CEMIP: variants seen among roughly 807,000 people sequenced by gnomAD.
CEMIP encodes the protein cell migration-inducing and hyaluronan-binding protein.
Under a neutral mutation model 156.9 loss-of-function variants are expected in CEMIP, and 105 were observed. The ratio of observed to expected loss-of-function variants is 0.67; its 90% CI spans 0.57 to 0.79. The LOEUF (loss-of-function observed/expected upper bound fraction) is 0.79. CEMIP is among the 30% of genes least tolerant of loss of function. CEMIP has a pLI of 0.00. For missense variants in CEMIP, 1,457 were observed against 1,769.4 expected (o/e 0.82, Z 3.17); for synonymous variants, 676 against 668.4 (o/e 1.01, Z -0.17).
intron 14 of CEMIP, among the ~76,000 whole-genome samples, chr15:80,919,054 T>C (rs1048000938): frequency 1.2e-4 from 18 of 152,172 alleles, no homozygotes; most frequent in African/African-American, 3.9e-4. Flanking sequence ...GGTATCTCAA[T>C]ATCCATGCAA....
At chr15:80,944,022 G>A (rs1479654550) in intron 28 of CEMIP, among the ~76,000 whole-genome samples, 5 of 152,186 alleles carry the variant, frequency 3.3e-5, no homozygotes, top group East Asian at 1.9e-4. Flanking sequence ...GCTCACACCT[G>A]TAATTTCAGC....
At chr15:80,850,711 C>A (rs1897697270) in intron 1 of CEMIP, among the ~76,000 whole-genome samples, 3 of 152,086 alleles carry the variant, frequency 2.0e-5, no homozygotes, top group African/African-American at 7.2e-5. Flanking sequence ...GCAGTGATCC[C>A]CATGGACTCA....
intron 1 of CEMIP, among the ~76,000 whole-genome samples, chr15:80,873,194 T>G (rs1026334368): frequency 6.6e-6 from 1 of 152,204 alleles, no homozygotes; most frequent in Non-Finnish European, 1.5e-5. Flanking sequence ...TGTGCCCAGA[T>G]AAAAACCAGG....
In CEMIP at chr15:80,859,093, C is replaced by T. The variant is rs1236855638; in HGVS notation, c.-175-14445C>T. Among the ~76,000 whole-genome samples the T allele has an allele frequency of 7.9e-5, 12 of 152,072 alleles. No homozygotes were observed. In the East Asian group the frequency reaches 2.3e-3, roughly 29 times the overall value. ...TCCAGCCAATGTCCCTTTTTTTTGA[C>T]TTGGGTCAACTGAACATCCCTGCAC... On this transcript the variant is annotated intron_variant, in intron 1 of 29. Transcript: ENST00000394685.
At position 80,944,046 on chromosome 15, in the gene CEMIP, G is replaced by A. The variant is rs368309316; in HGVS notation, c.3857+944G>A. On this transcript the variant is annotated intron_variant, in intron 28 of 29. Transcript: ENST00000394685. ...TGTAATTTCAGCACTTTGGGAGGCC[G>A]AGGTGGGTGGATCATGAGGTCAGGA... 4.6e-5 allele frequency among the ~76,000 whole-genome samples: 7 copies of A among 152,266 alleles called. No individual in the cohort carries two copies. In the East Asian group the frequency reaches 9.6e-4, roughly 21 times the overall value.
At chr15:80,892,778 C>T (rs976237587) in intron 10 of CEMIP, among the ~76,000 whole-genome samples, 1 of 152,216 alleles carries the variant, frequency 6.6e-6, no homozygotes, top group Non-Finnish European at 1.5e-5. Context: ...CTTAGTGTCT[C>T]GTTTCCTCAC....
At chr15:80,928,392 G>A (rs1006006513) in intron 19 of CEMIP, among the ~76,000 whole-genome samples, 23 of 152,110 alleles carry the variant, frequency 1.5e-4, no homozygotes, top group African/African-American at 5.6e-4. Flanking sequence ...CCTTCTCAGG[G>A]TCAGCATCTG....
In CEMIP at chr15:80,937,938, C is replaced by T; in HGVS notation, c.3366C>T (p.Ser1122=). 1 of 1,614,204 alleles carries T rather than the reference C, an allele frequency of 6.2e-7. No individual in the cohort carries two copies. The highest frequency in any genetic ancestry group is 1.1e-5 in the South Asian group (1 of 91,084). Residue 1122 remains serine, a synonymous_variant, in exon 25 of 30, where the codon AGC becomes AGT. Transcript: ENST00000394685. ...TGCAGATGGACAAAGTGGAGCAGAG[C>T]TACCCTGGCAGGAGCCACTACTACT... ...RTLQMDKVEQ[S]YPGRSHYYWD...
chr15:80,920,439 T>G, intron 15 of CEMIP, 140 bp downstream of exon 15: 1 of 714,884 alleles, frequency 1.4e-6, no homozygotes, highest in Non-Finnish European at 2.3e-6. Flanking sequence ...CTTAACCACC[T>G]ACGGCTCCAG....
chr15:80,903,999 G>A (rs1287487136), intron 12 of CEMIP, among the ~76,000 whole-genome samples: 1 of 152,188 alleles, frequency 6.6e-6, no homozygotes, highest in African/African-American at 2.4e-5. Flanking sequence ...TGCCCTGGAG[G>A]AGGGGGCTCC....
intron 1 of CEMIP, among the ~76,000 whole-genome samples, chr15:80,784,292 A>G (rs112326598): frequency 9.3e-4 from 142 of 152,268 alleles, no homozygotes; most frequent in African/African-American, 3.2e-3. Flanking sequence ...CGGAGAAAGC[A>G]TATCTAGATA....
Position 80,950,712 on chromosome 15 carries a change from T to G in CEMIP, c.*1788T>G, listed in dbSNP as rs1901780724. ...CACCCCAGTCCCTTTCAGCTGCTGC[T>G]TAATGCCCTGCTCTCTCCCTGGCCC... On this transcript the variant is annotated 3_prime_UTR_variant, in exon 30 of 30. Coordinates refer to ENST00000394685, the MANE Select transcript of CEMIP (RefSeq NM_001293298.2). 1 of 152,756 alleles carries G rather than the reference T, an allele frequency of 6.5e-6. No individual in the cohort carries two copies. The highest frequency in any genetic ancestry group is 2.4e-5 in the African/African-American group (1 of 41,460). The allele number at this position is 152,756 out of a possible 1,614,324, so 9.5% of individuals were successfully genotyped here.
At chr15:80,936,155 T>C (rs1596205351) in intron 23 of CEMIP, among the ~76,000 whole-genome samples, 1 of 152,364 alleles carries the variant, frequency 6.6e-6, no homozygotes, top group Non-Finnish European at 1.5e-5. Context: ...CATTTATTCA[T>C]GCAGTGTGTT....
chr15:80,845,967 T>C (rs62035082), intron 1 of CEMIP, among the ~76,000 whole-genome samples: 2 of 152,028 alleles, frequency 1.3e-5, no homozygotes, highest in Non-Finnish European at 2.9e-5. Flanking sequence ...CTTCAGCCTG[T>C]CCCTGTTCTG....
chr15:80,937,990 G>A lies in CEMIP; in HGVS notation c.3407+11G>A, dbSNP rs372006865. 99 of 1,610,452 alleles carry A rather than the reference G, an allele frequency of 6.1e-5. No homozygotes were observed. The highest frequency in any genetic ancestry group is 1.7e-4 in the Middle Eastern group (1 of 6,052). On this transcript the variant is annotated intron_variant, in intron 25 of 29. Coordinates refer to ENST00000394685, the MANE Select transcript of CEMIP (RefSeq NM_001293298.2). ...GGACGAGGACTCAGGGTGAGCAGGC[G>A]CCCACTTGGCTGCAGGAAAGTGGCT...
At position 80,870,921 on chromosome 15, in the gene CEMIP, C is replaced by A. The variant is rs1269653596; in HGVS notation, c.-175-2617C>A. ...CCTCATGGCTCGATCTCTGAGCAGG[C>A]CTCTAACCCAGTGAGGACAGCGGTC... On this transcript the variant is annotated intron_variant, in intron 1 of 29. Coordinates refer to ENST00000394685, the MANE Select transcript of CEMIP (RefSeq NM_001293298.2). 5.9e-5 allele frequency among the ~76,000 whole-genome samples: 9 copies of A among 152,140 alleles called. 1 individual carries two copies. The highest frequency in any genetic ancestry group is 4.6e-4 in the Admixed American group (7 of 15,280).
At chr15:80,810,819 TCCA>T (rs1896654092) in intron 1 of CEMIP, among the ~76,000 whole-genome samples, 1 of 151,642 alleles carries the variant, frequency 6.6e-6, no homozygotes, top group East Asian at 1.9e-4. Context: ...CATCCATCCA[TCCA>T]TCCATCCATC....
intron 1 of CEMIP, among the ~76,000 whole-genome samples, chr15:80,856,515 A>C (rs1897855703): frequency 6.6e-6 from 1 of 152,050 alleles, no homozygotes. Flanking sequence ...GTGTTTGAAA[A>C]TTTTCATAGC....
At chr15:80,812,558 G>A (rs771625216) in intron 1 of CEMIP, among the ~76,000 whole-genome samples, 14 of 152,264 alleles carry the variant, frequency 9.2e-5, no homozygotes, top group African/African-American at 2.6e-4. Context: ...TTTGTCAAGC[G>A]TAGTAACACA....
Sources: allele counts gnomAD v4.1 joint callset (sites outside exome capture counted in the v4.1 genomes callset), GRCh38; gene constraint gnomAD v4.1.1; transcripts MANE v1.5; gene names NCBI Gene and HGNC (gene_info 2026-07-23, HGNC 2026-07-21).